SPAG5: variants seen among roughly 807,000 people sequenced by gnomAD.
The protein encoded by SPAG5 is sperm-associated antigen 5.
SPAG5 carries 99 observed loss-of-function variants against 145.4 expected under a neutral mutation model. That is an observed-to-expected ratio of 0.68 (90% CI 0.58 to 0.80). The LOEUF is 0.80. SPAG5 is among the 30% of genes least tolerant of loss of function. The pLI is 0.00. For synonymous variants in SPAG5, 477 were observed against 525.4 expected (o/e 0.91, Z 1.26); for missense variants, 1,192 against 1,416.0 (o/e 0.84, Z 2.54).
intron 4 of SPAG5, among the ~76,000 whole-genome samples, chr17:28,587,662 G>A (rs566504159): frequency 1.4e-5 from 2 of 147,350 alleles, no homozygotes; most frequent in African/African-American, 2.5e-5. Context: ...AGGCTGCAGT[G>A]AGCCATGTTC....
At chr17:28,579,892 C>A in intron 16 of SPAG5, 55 bp from the exon 17 acceptor site, 1 of 1,573,676 alleles carries the variant, frequency 6.4e-7, no homozygotes, top group South Asian at 1.1e-5. Context: ...AGGCAGGGGT[C>A]TACCATAATG....
chr17:28,586,983 G>T (rs2070589281), intron 4 of SPAG5, among the ~76,000 whole-genome samples: 1 of 152,042 alleles, frequency 6.6e-6, no homozygotes, highest in African/African-American at 2.4e-5. Context: ...TCAAACTCCT[G>T]GCCTCAAACA....
rs1203705328 is a variant in SPAG5 at position 28,584,136 on chromosome 17, G to A, written c.2412+14C>T. On this transcript the variant is annotated intron_variant, in intron 13 of 23. Coordinates refer to ENST00000321765, the MANE Select transcript of SPAG5 (RefSeq NM_006461.4). The stretch of plus-strand genomic sequence containing the variant: ...AGGCTTACCAGCTCCCTTGGCCCAA[G>A]CCATATTCCTTACCTCCAAGGTCTC... 5 of 1,613,314 alleles carry A rather than the reference G, an allele frequency of 3.1e-6. No individual in the cohort carries two copies. In the East Asian group the frequency reaches 8.9e-5, roughly 29 times the overall value.
Position 28,593,023 on chromosome 17 carries a change from T to C in SPAG5, c.221A>G (p.Lys74Arg), listed in dbSNP as rs1372484569. Residue 74 changes from lysine (K) to arginine (R), a missense_variant, in exon 3 of 24, where the codon AAG (lysine) becomes AGG (arginine). Physicochemically the swap from Lys to Arg is conservative, Grantham distance 26. Coordinates refer to ENST00000321765, the MANE Select transcript of SPAG5 (RefSeq NM_006461.4). ...NSSPVDFVNN[K>R]RTDLSSEHFS... ...ATGTTCTGAAGATAAGTCTGTCCTC[T>C]TGTTATTTACAAAATCCACTGGAGA... 6.2e-7 allele frequency: 1 copy of C among 1,614,172 alleles called. No individual in the cohort carries two copies. The highest frequency in any genetic ancestry group is 8.5e-7 in the Non-Finnish European group (1 of 1,180,012).
At position 28,581,687 on chromosome 17, in the gene SPAG5, G is replaced by A. The variant is rs545727538; in HGVS notation, c.2686-1567C>T. 1.1e-3 allele frequency among the ~76,000 whole-genome samples: 173 copies of A among 152,008 alleles called. 1 individual carries two copies. Among genetic ancestry groups the A allele is most frequent in the African/African-American group, 4.0e-3 (166 of 41,422 alleles). On this transcript the variant is annotated intron_variant, in intron 15 of 23. Coordinates refer to ENST00000321765, the MANE Select transcript of SPAG5 (RefSeq NM_006461.4). ...AGTTCTCCCGCCTTCTCTGCCCCCC[G>A]GTCTAGGTCTCTCCCGCTGACTGGT...
In SPAG5 at chr17:28,583,978, G is replaced by A; in HGVS notation, c.2421C>T (p.Asp807=). ...RDLKETLEFA[D]QENQVAHLEL... is the part of the protein sequence containing the mutation. ...CCAGGTGAGCAACCTGATTCTCCTG[G>A]TCTGCAAACTGGGAAGACAAGAGAA... The change falls in exon 14 of 24, where the codon GAC becomes GAT. Residue 807 remains aspartate, a synonymous_variant. Transcript: ENST00000321765. The A allele has an allele frequency of 1.2e-6, 2 of 1,614,112 alleles. No homozygotes were observed. The highest frequency in any genetic ancestry group is 1.7e-6 in the Non-Finnish European group (2 of 1,180,042).
Position 28,579,784 on chromosome 17 carries a change from G to C in SPAG5, c.2851C>G (p.Arg951Gly), listed in dbSNP as rs756148727. Residue 951 changes from arginine (R) to glycine (G), a missense_variant, in exon 17 of 24, where the codon CGA becomes GGA. Coordinates refer to ENST00000321765, the MANE Select transcript of SPAG5 (RefSeq NM_006461.4). ...TGAAGGGAAACCATTGATGCTACTC[G>C]GGTGAAAGCACTCTTGTCACTTCCA... ...LLGSDKSAFTRVASMVSLQPA... is the reference protein window; with the variant it reads ...LLGSDKSAFTGVASMVSLQPA... 7 of 1,614,132 alleles carry C rather than the reference G, an allele frequency of 4.3e-6. No individual in the cohort carries two copies. Among genetic ancestry groups the C allele is most frequent in the Non-Finnish European group, 5.1e-6 (6 of 1,180,012 alleles).
rs944625750 is a variant in SPAG5, at chr17:28,578,862, T to G, written c.3118-110A>C. The G allele has an allele frequency of 9.0e-6, 8 of 892,604 alleles. No individual in the cohort carries two copies. In the African/African-American group the frequency reaches 9.8e-5, roughly 11 times the overall value. 55.3% of individuals were successfully genotyped at this position (892,604 alleles called of 1,614,324 possible). On this transcript the variant is annotated intron_variant, in intron 19 of 23. Transcript: ENST00000321765. ...CCATGCTTAGCCCACATGGGACCAA[T>G]TGATATCACGCCAATTCTTTCCCCA...
Position 28,598,554 on chromosome 17 carries a change from CG to C in SPAG5, c.132del (p.Ala45LeufsTer5), listed in dbSNP as rs752006043. 10 of 1,613,702 alleles carry C rather than the reference CG, an allele frequency of 6.2e-6. No individual in the cohort carries two copies. Among genetic ancestry groups the C allele is most frequent in the Admixed American group, 1.7e-5 (1 of 59,946 alleles). On this transcript the variant is annotated frameshift_variant, in exon 2 of 24. Transcript: ENST00000321765. LOFTEE classifies it high-confidence loss of function. ...GALTNSGKRS[P>X]ACSSLTPSLC... ...AGTGATGGGGTCAGCGAGGAGCAAG[CG>C]GGGGATCTTTTTCCAGAGTTGGTGA... is the stretch of plus-strand genomic sequence containing the variant.
At position 28,578,703 on chromosome 17, in the gene SPAG5, A is replaced by G. The variant is rs1297694484; in HGVS notation, c.3167T>C (p.Leu1056Pro). ...EVIQQQNEKI[L>P]EQIDKSGELI... ...CTCGCCACTCTTGTCTATCTGTTCT[A>G]GGATCTTCTCATTCTGCTGCTGTAT... is the stretch of plus-strand genomic sequence containing the variant. The change falls in exon 20 of 24, where the codon CTA becomes CCA. Residue 1056 changes from leucine (L) to proline (P), a missense_variant. Around this residue, in one of 5 missense-constraint regions of SPAG5, gnomAD observed 709 missense variants for 840.7 expected, o/e 0.84. Coordinates refer to ENST00000321765, the MANE Select transcript of SPAG5 (RefSeq NM_006461.4). The G allele has an allele frequency of 6.2e-7, 1 of 1,614,092 alleles. No individual in the cohort carries two copies. The highest frequency in any genetic ancestry group is 1.1e-5 in the South Asian group (1 of 91,084).
At position 28,579,956 on chromosome 17, in the gene SPAG5, A is replaced by G. The variant is rs1490568010; in HGVS notation, c.2797+53T>C. 2.0e-6 allele frequency: 3 copies of G among 1,534,544 alleles called. No individual in the cohort carries two copies. In the African/African-American group the frequency reaches 4.1e-5, roughly 21 times the overall value. ...TGGTGGACATCTTCAACAGCAGAAGATATCAGGAGCAGCGTCACAACTTTC... is the reference window on the plus strand; with the variant it reads ...TGGTGGACATCTTCAACAGCAGAAGGTATCAGGAGCAGCGTCACAACTTTC... On this transcript the variant is annotated intron_variant, in intron 16 of 23. Coordinates refer to ENST00000321765, the MANE Select transcript of SPAG5 (RefSeq NM_006461.4).
Position 28,586,396 on chromosome 17 carries a change from G to T in SPAG5, c.1512+29C>A, listed in dbSNP as rs575152611. 8.9e-5 allele frequency: 138 copies of T among 1,558,458 alleles called. 2 individuals are homozygous for T. The South Asian group carries it at 1.5e-3, about 17-fold the overall frequency. On this transcript the variant is annotated intron_variant, in intron 5 of 23. Coordinates refer to ENST00000321765, the MANE Select transcript of SPAG5 (RefSeq NM_006461.4). ...ATTCTTCATCTTCACAGGAGACCCA[G>T]TGGTGGTGTAAGGTCAATCATCACT...
At chr17:28,591,357 C>T (rs533153670) in intron 4 of SPAG5, among the ~76,000 whole-genome samples, 150 of 152,326 alleles carry the variant, frequency 9.8e-4, no homozygotes, top group African/African-American at 3.5e-3. Context: ...GCAGCCTTAG[C>T]CTCCTGGGCT....
chr17:28,591,903 A>C, intron 3 of SPAG5, 31 bp from the exon 4 acceptor site: 1 of 1,611,166 alleles, frequency 6.2e-7, no homozygotes, highest in Non-Finnish European at 8.5e-7. Flanking sequence ...CATGACGAAA[A>C]GAAAAGGAGG....
intron 4 of SPAG5, among the ~76,000 whole-genome samples, chr17:28,587,768 A>T (rs1237193704): frequency 6.6e-6 from 1 of 151,974 alleles, no homozygotes; most frequent in Admixed American, 6.6e-5. Context: ...TCCTGCAGAT[A>T]AATAGAGTAT....
intron 8 of SPAG5, 46 bp from the exon 9 acceptor site, chr17:28,585,457 A>G (rs747739232): frequency 2.2e-5 from 36 of 1,613,602 alleles, no homozygotes; most frequent in Non-Finnish European, 3.1e-5. Context: ...CCCTTTGGAT[A>G]CAGCAAAGTG....
At chr17:28,595,257 C>CAA (rs368277300) in intron 2 of SPAG5, among the ~76,000 whole-genome samples, 2 of 58,104 alleles carry the variant, frequency 3.4e-5, no homozygotes, top group African/African-American at 5.7e-5. Flanking sequence ...GACTCCTTCT[C>CAA]AAAAAAAAAA....
chr17:28,592,476 T>G lies in SPAG5; in HGVS notation c.768A>C (p.Ala256=). 6.2e-7 allele frequency: 1 copy of G among 1,613,888 alleles called. No individual in the cohort carries two copies. Among genetic ancestry groups the G allele is most frequent in the South Asian group, 1.1e-5 (1 of 91,086 alleles). Reference sequence around the variant, plus strand: ...GGTCCACATGATTGACACGGAAATCTGCTGCCAAGGCAGTTGAAGGGGAAA... The same window carrying G: ...GGTCCACATGATTGACACGGAAATCGGCTGCCAAGGCAGTTGAAGGGGAAA... ...LWLSPSTALA[A]DFRVNHVDPE... Residue 256 remains alanine (A), a synonymous_variant, in exon 3 of 24, where the codon GCA becomes GCC. Transcript: ENST00000321765.
At chr17:28,598,865 C>T (rs200905305) in intron 1 of SPAG5, 31 bp downstream of exon 1, 253 of 1,612,840 alleles carry the variant, frequency 1.6e-4, no homozygotes, top group Admixed American at 5.2e-4. Flanking sequence ...CAGCCCGGCC[C>T]AGTTCTCTCC....
Sources: allele counts gnomAD v4.1 joint callset (sites outside exome capture counted in the v4.1 genomes callset), GRCh38; gene constraint gnomAD v4.1.1; regional missense constraint gnomAD v4.1.1; transcripts MANE v1.5; gene names NCBI Gene and HGNC (gene_info 2026-07-23, HGNC 2026-07-21).